CLNK: variants seen among roughly 807,000 people sequenced by gnomAD.
CLNK encodes the protein cytokine-dependent hematopoietic cell linker.
In CLNK, 74 loss-of-function variants were observed where a neutral mutation model predicts 68.6. That is an observed-to-expected ratio of 1.08 (90% CI 0.89 to 1.31). CLNK has a LOEUF of 1.31. CLNK is among the 50% of genes most tolerant of loss of function. The pLI is 0.00. For missense variants in CLNK, 553 were observed against 515.3 expected (o/e 1.07, Z -0.71); for synonymous variants, 198 against 172.2 (o/e 1.15, Z -1.17).
chr4:10,560,579 G>C (rs1299308222), intron 7 of CLNK, among the ~76,000 whole-genome samples: 1 of 152,050 alleles, frequency 6.6e-6, no homozygotes, highest in Non-Finnish European at 1.5e-5. Flanking sequence ...AAGTAGCTGG[G>C]ACTACAGGCG....
chr4:10,630,289 G>A (rs942585773), intron 2 of CLNK, among the ~76,000 whole-genome samples: 2 of 152,134 alleles, frequency 1.3e-5, no homozygotes, highest in South Asian at 2.1e-4. Context: ...ACTATGACAC[G>A]CATTTGTACC....
intron 1 of CLNK, among the ~76,000 whole-genome samples, chr4:10,668,387 G>A (rs1167831861): frequency 6.6e-6 from 1 of 152,164 alleles, no homozygotes; most frequent in Admixed American, 6.5e-5. Flanking sequence ...CACCCACATA[G>A]TAAAGATTAT....
intron 2 of CLNK, among the ~76,000 whole-genome samples, chr4:10,623,991 C>T (rs957712415): frequency 2.6e-5 from 4 of 152,180 alleles, no homozygotes; most frequent in African/African-American, 9.7e-5. Flanking sequence ...TAACGTGAAA[C>T]GTGAAACATA....
At chr4:10,564,638 A>T in intron 7 of CLNK, 33 bp downstream of exon 7, 1 of 1,433,926 alleles carries the variant, frequency 7.0e-7, no homozygotes, top group Non-Finnish European at 9.8e-7. Context: ...AGCCCTACAC[A>T]TGTTTGTGTC....
intron 17 of CLNK, among the ~76,000 whole-genome samples, chr4:10,504,341 C>G (rs1486611862): frequency 6.6e-6 from 1 of 152,128 alleles, no homozygotes; most frequent in African/African-American, 2.4e-5. Context: ...AGGATGGTCT[C>G]GATCTCCTGA....
intron 2 of CLNK, among the ~76,000 whole-genome samples, chr4:10,606,576 T>C (rs1721800616): frequency 6.6e-6 from 1 of 152,264 alleles, no homozygotes; most frequent in Non-Finnish European, 1.5e-5. Flanking sequence ...TATGCTTTTA[T>C]ATGCTGGCAG....
rs553948661 is a variant in CLNK at position 10,583,136 on chromosome 4, C to T, written c.112+1791G>A. On this transcript the variant is annotated intron_variant, in intron 4 of 18. Transcript: ENST00000226951. The stretch of plus-strand genomic sequence containing the variant: ...TTATCAAGCCACCGTCACGCACAGT[C>T]TTTTTTGTAAATCCTCATGCATATC... Among the ~76,000 whole-genome samples the T allele has an allele frequency of 1.1e-3, 161 of 152,290 alleles. 1 individual carries two copies. Among genetic ancestry groups the T allele is most frequent in the African/African-American group, 3.5e-3 (145 of 41,570 alleles).
At chr4:10,592,456 A>G (rs1721215162) in intron 3 of CLNK, among the ~76,000 whole-genome samples, 1 of 151,322 alleles carries the variant, frequency 6.6e-6, no homozygotes, top group South Asian at 2.1e-4. Flanking sequence ...AGCCTCCCCC[A>G]CTTCCCCACT....
chr4:10,716,508 TA>T, the CLNK span, among the ~76,000 whole-genome samples: 1,712 of 152,186 alleles, frequency 0.011, 10 homozygotes, highest in East Asian at 0.057. Context: ...CCTCTAAACC[TA>T]AAAAACAACA....
chr4:10,574,059 A>C (rs535568723), intron 4 of CLNK, among the ~76,000 whole-genome samples: 83 of 152,272 alleles, frequency 5.5e-4, no homozygotes, highest in Non-Finnish European at 9.4e-4. Context: ...TTCTTTAGGG[A>C]AGGAATTGCC....
chr4:10,733,082 C>A, the CLNK span, among the ~76,000 whole-genome samples: 1 of 152,140 alleles, frequency 6.6e-6, no homozygotes, highest in Non-Finnish European at 1.5e-5. Flanking sequence ...CCAAGCCCCC[C>A]TTTCGGTTAT....
chr4:10,616,127 C>T (rs2720371), intron 2 of CLNK, among the ~76,000 whole-genome samples: 105,504 of 152,170 alleles, frequency 0.69, 37,459 homozygotes, highest in East Asian at 0.77. Context: ...CTACATTTCG[C>T]GATTACCTAT....
chr4:10,702,188 G>C, the CLNK span, among the ~76,000 whole-genome samples: 1 of 152,172 alleles, frequency 6.6e-6, no homozygotes, highest in Admixed American at 6.5e-5. Context: ...TGCAGGAGCA[G>C]ATTTGTGGGT....
At chr4:10,500,872 G>C (rs1717012587) in intron 18 of CLNK, among the ~76,000 whole-genome samples, 2 of 152,166 alleles carry the variant, frequency 1.3e-5, no homozygotes, top group South Asian at 4.1e-4. Context: ...TCATTTTGGG[G>C]ACACGAGTCT....
chr4:10,640,898 C>T (rs1379078447), intron 2 of CLNK, among the ~76,000 whole-genome samples: 1 of 152,216 alleles, frequency 6.6e-6, no homozygotes, highest in Non-Finnish European at 1.5e-5. Flanking sequence ...GCCTGTGTTT[C>T]AAGCTTCAGA....
chr4:10,674,909 T>A (rs1724809151), intron 1 of CLNK, among the ~76,000 whole-genome samples: 2 of 151,776 alleles, frequency 1.3e-5, no homozygotes, highest in African/African-American at 4.8e-5. Context: ...TCCAGCTTCA[T>A]CCGTGTTCAT....
At chr4:10,693,020 A>G in the CLNK span, among the ~76,000 whole-genome samples, 2 of 152,296 alleles carry the variant, frequency 1.3e-5, no homozygotes, top group South Asian at 4.1e-4. Flanking sequence ...CATAATTTTC[A>G]TGATAGGCTG....
chr4:10,725,820 C>T, the CLNK span, among the ~76,000 whole-genome samples: 6 of 151,310 alleles, frequency 4.0e-5, no homozygotes, highest in South Asian at 6.3e-4. Context: ...CGCCACTGCA[C>T]TCCAGCCTGG....
the CLNK span, among the ~76,000 whole-genome samples, chr4:10,693,169 TA>T: frequency 6.6e-6 from 1 of 152,216 alleles, no homozygotes; most frequent in Non-Finnish European, 1.5e-5. Flanking sequence ...ACAATGAATG[TA>T]AAAGGGATTC....
Sources: allele counts gnomAD v4.1 joint callset (sites outside exome capture counted in the v4.1 genomes callset), GRCh38; gene constraint gnomAD v4.1.1; transcripts MANE v1.5; gene names NCBI Gene and HGNC (gene_info 2026-07-23, HGNC 2026-07-21).